The following LTBR variants were observed in gnomAD, a reference collection of about 807,000 sequenced individuals.
LTBR encodes tumor necrosis factor receptor superfamily member 3.
A neutral mutation model predicts 45.4 loss-of-function variants in LTBR; 15 were observed. The ratio of observed to expected loss-of-function variants is 0.33; its 90% confidence interval spans 0.22 to 0.51. The LOEUF (loss-of-function observed/expected upper bound fraction) is 0.51, where lower values mean the gene tolerates loss of function less well. LTBR is among the 20% of genes least tolerant of loss of function. The pLI, the probability that LTBR is intolerant of heterozygous loss-of-function variation, is 0.97. For missense variants in LTBR, 450 were observed against 565.5 expected (o/e 0.80, Z 2.07); for synonymous variants, 228 against 231.0 (o/e 0.99, Z 0.12).
At position 6,386,494 on chromosome 12, in the gene LTBR, T is replaced by C. The variant is rs1232094462; in HGVS notation, c.667+50T>C. The C allele has an allele frequency of 7.2e-7, 1 of 1,394,802 alleles. No individual in the cohort carries two copies. Among genetic ancestry groups the C allele is most frequent in the Admixed American group, 1.8e-5 (1 of 56,752 alleles). 86.4% of individuals were successfully genotyped at this position (1,394,802 alleles called of 1,614,324 possible). On this transcript the variant is annotated intron_variant, in intron 6 of 9. Transcript: ENST00000228918. The surrounding 1 kb of genome is among the most constrained non-coding windows in gnomAD (Gnocchi z 4.1). Reference sequence around the variant, plus strand: ...CGGGGGGGGCGCCTCTGAAAATGCCTTAATGCTCCACATCTTAAAAAAAAT... The same window carrying C: ...CGGGGGGGGCGCCTCTGAAAATGCCCTAATGCTCCACATCTTAAAAAAAAT...
At chr12:6,381,526 G>T (rs1948984496), upstream of LTBR, among the ~76,000 whole-genome samples, 1 of 152,176 alleles carries the variant, frequency 6.6e-6, no homozygotes, top group Admixed American at 6.5e-5. Context: ...AGGGTGTAGA[G>T]AGTCCATGAG....
chr12:6,385,153 T>G lies in LTBR; in HGVS notation c.319+6T>G, dbSNP rs1392785867. 6.2e-7 allele frequency: 1 copy of G among 1,613,832 alleles called. No individual in the cohort carries two copies. Among genetic ancestry groups the G allele is most frequent in the South Asian group, 1.1e-5 (1 of 91,068 alleles). ...GTGCCGCCCCTGTGACCCAGGTGAGTGGGGATGTGCCTGCGGGGGGGCTGG... is the reference window on the plus strand; with the variant it reads ...GTGCCGCCCCTGTGACCCAGGTGAGGGGGGATGTGCCTGCGGGGGGGCTGG... On this transcript the variant is annotated splice_donor_region_variant and intron_variant, in intron 3 of 9. Coordinates refer to ENST00000228918, the MANE Select transcript of LTBR (RefSeq NM_002342.3).
At chr12:6,379,718 C>T (rs534128312), upstream of LTBR, among the ~76,000 whole-genome samples, 2 of 151,928 alleles carry the variant, frequency 1.3e-5, no homozygotes, top group East Asian at 3.9e-4. Flanking sequence ...ATCATGAGGT[C>T]AGGGGATCGA....
intron 1 of LTBR, chr12:6,377,547 T>A (rs1948932028): frequency 1.2e-6 from 1 of 830,942 alleles, no homozygotes; most frequent in African/African-American, 1.7e-5. Flanking sequence ...TGGATTCGTC[T>A]GCTCTCTGGG....
chr12:6,375,358 G>C, upstream of LTBR: 1 of 1,455,600 alleles, frequency 6.9e-7, no homozygotes, highest in Admixed American at 2.6e-5. Flanking sequence ...CTGACCTCGA[G>C]CTGTGTCCTG....
intron 4 of LTBR, chr12:6,385,619 G>A: frequency 1.8e-6 from 1 of 560,766 alleles, no homozygotes; most frequent in Non-Finnish European, 3.1e-6. Context: ...AAAATGGTAG[G>A]CAGTAGGCCG....
At chr12:6,380,839 T>C (rs1295315672), upstream of LTBR, among the ~76,000 whole-genome samples, 4 of 152,070 alleles carry the variant, frequency 2.6e-5, no homozygotes, top group African/African-American at 7.2e-5. Context: ...TCACACACCT[T>C]CTAGGCGTCC....
chr12:6,387,795 T>C, intron 6 of LTBR: 1 of 444,556 alleles, frequency 2.2e-6, no homozygotes, highest in Non-Finnish European at 4.5e-6. Flanking sequence ...CTTCCCCTCC[T>C]AGAACCTGCC....
chr12:6,377,379 G>T, intron 1 of LTBR: 1 of 940,170 alleles, frequency 1.1e-6, no homozygotes, highest in Non-Finnish European at 1.6e-6. Flanking sequence ...AATAGGAGCA[G>T]AGCTATAAAC....
chr12:6,389,919 T>A (rs570140543), intron 8 of LTBR, 193 bp from the exon 9 acceptor site: 62 of 590,254 alleles, frequency 1.1e-4, no homozygotes, highest in African/African-American at 9.8e-4. Context: ...ATTGCACCAC[T>A]GCACTGTAGC....
chr12:6,384,636 G>A lies in LTBR; in HGVS notation c.145G>A (p.Glu49Lys). 6.2e-7 allele frequency: 1 copy of A among 1,614,216 alleles called. No homozygotes were observed. Among genetic ancestry groups the A allele is most frequent in the Non-Finnish European group, 8.5e-7 (1 of 1,180,030 alleles). The change falls in exon 2 of 10, where the codon GAA becomes AAA. Residue 49 changes from glutamate (E) to lysine (K), a missense_variant. Transcript: ENST00000228918. ...ENQTCRDQEKEYYEPQHRICC... is the reference protein window; with the variant it reads ...ENQTCRDQEKKYYEPQHRICC... ...CCAGACCTGCAGGGACCAGGAAAAGGAATACTATGAGCCCCAGCACCGCAT... is the reference window on the plus strand; with the variant it reads ...CCAGACCTGCAGGGACCAGGAAAAGAAATACTATGAGCCCCAGCACCGCAT...
At position 6,386,222 on chromosome 12, in the gene LTBR, C is replaced by T; in HGVS notation, c.569+60C>T. On this transcript the variant is annotated intron_variant, in intron 5 of 9. Coordinates refer to ENST00000228918, the MANE Select transcript of LTBR (RefSeq NM_002342.3). The surrounding 1 kb of genome is among the most constrained non-coding windows in gnomAD (Gnocchi z 4.1). ...CTGAGAAGCCTCAGCTGCTAACAAC[C>T]CCCAGCGCCTATCCTTGACACCACG... 6.6e-7 allele frequency: 1 copy of T among 1,516,002 alleles called. No individual in the cohort carries two copies. The highest frequency in any genetic ancestry group is 9.2e-7 in the Non-Finnish European group (1 of 1,092,330). The allele number at this position is 1,516,002 out of a possible 1,614,324, so 93.9% of individuals were successfully genotyped here. A position where few individuals can be genotyped will look rare whatever the true frequency, so the allele number is the denominator to read the frequency against.
intron 1 of LTBR, among the ~76,000 whole-genome samples, chr12:6,378,060 G>GT (rs2136920849): frequency 6.6e-6 from 1 of 152,252 alleles, no homozygotes; most frequent in African/African-American, 2.4e-5. Flanking sequence ...ACACAAATAT[G>GT]TTTTTGTCAC....
chr12:6,377,797 A>C, intron 1 of LTBR: 1 of 542,460 alleles, frequency 1.8e-6, no homozygotes, highest in African/African-American at 1.9e-5. Flanking sequence ...AGCTTAAGGC[A>C]GCATGGCAAA....
At chr12:6,383,404 G>A (rs1034597490), upstream of LTBR, among the ~76,000 whole-genome samples, 1 of 152,168 alleles carries the variant, frequency 6.6e-6, no homozygotes, top group East Asian at 1.9e-4. Context: ...AGGTGAGGGG[G>A]CTGGACTGCG....
Position 6,388,699 on chromosome 12 carries a change from C to G in LTBR, c.776-101C>G. The stretch of plus-strand genomic sequence containing the variant: ...ACAGTGGCTTGTTCCTCTGGGCCCC[C>G]GGGTGGTCAAGTTGCTACACATTGT... On this transcript the variant is annotated intron_variant, in intron 7 of 9. Transcript: ENST00000228918. This position sits in a 1 kb window ranked among gnomAD's most constrained non-coding sequence, Gnocchi z 4.3. 6.9e-7 allele frequency: 1 copy of G among 1,442,350 alleles called. No individual in the cohort carries two copies. Among genetic ancestry groups the G allele is most frequent in the Non-Finnish European group, 9.7e-7 (1 of 1,028,856 alleles). The allele number at this position is 1,442,350 out of a possible 1,614,324, so 89.3% of individuals were successfully genotyped here. A position where few individuals can be genotyped will look rare whatever the true frequency, so the allele number is the denominator to read the frequency against.
At chr12:6,382,834 T>C (rs1265197700), upstream of LTBR, among the ~76,000 whole-genome samples, 3 of 152,078 alleles carry the variant, frequency 2.0e-5, no homozygotes, top group Admixed American at 6.5e-5. Flanking sequence ...GTGACCTATC[T>C]CAAGAGAGGT....
At chr12:6,379,948 CAAAAAAA>C (rs769215877), upstream of LTBR, among the ~76,000 whole-genome samples, 1 of 119,228 alleles carries the variant, frequency 8.4e-6, no homozygotes, top group South Asian at 2.6e-4. Context: ...AAAAAAAAAA[CAAAAAAA>C]AAAACAAAAA....
upstream of LTBR, among the ~76,000 whole-genome samples, chr12:6,383,303 TGGGAGGATGAAACA>T (rs1949002591): frequency 6.6e-6 from 1 of 151,836 alleles, no homozygotes; most frequent in Non-Finnish European, 1.5e-5. Flanking sequence ...TTGAGGGAGA[TGGGAGGATGAAACA>T]GGGCAGGAAC....
Sources: allele counts gnomAD v4.1 joint callset (sites outside exome capture counted in the v4.1 genomes callset), GRCh38; gene constraint gnomAD v4.1.1; non-coding constraint Gnocchi (gnomAD v3.1); transcripts MANE v1.5; gene names NCBI Gene and HGNC (gene_info 2026-07-23, HGNC 2026-07-21).